DNM3: variants seen among roughly 807,000 people sequenced by gnomAD.
DNM3 encodes dynamin 3, also known as dynamin-3.
DNM3 carries 47 observed loss-of-function variants against 101.6 expected under a neutral mutation model. The observed-to-expected ratio is 0.46, with a 90% confidence interval of 0.37 to 0.59. The LOEUF (loss-of-function observed/expected upper bound fraction) is 0.59, where lower values mean the gene tolerates loss of function less well. Ranked by LOEUF, DNM3 falls within the 20% of genes least tolerant of loss-of-function variation. DNM3 has a pLI of 0.00. For missense variants in DNM3, 849 were observed against 1,085.7 expected (o/e 0.78, Z 3.06); for synonymous variants, 385 against 387.9 (o/e 0.99, Z 0.09).
intron 15 of DNM3, among the ~76,000 whole-genome samples, chr1:172,283,011 G>A (rs1020544495): frequency 6.6e-6 from 1 of 152,172 alleles, no homozygotes; most frequent in African/African-American, 2.4e-5. Context: ...TTCCTTTCCA[G>A]GTTCCAGCCA....
At chr1:171,901,588 A>T (rs546097033) in intron 1 of DNM3, among the ~76,000 whole-genome samples, 8 of 152,300 alleles carry the variant, frequency 5.3e-5, no homozygotes, top group Non-Finnish European at 8.8e-5. Flanking sequence ...CATGTCAGAA[A>T]ATGCCTCCAA....
Position 171,846,346 on chromosome 1 carries a change from T to G in DNM3, c.161+4529T>G, listed in dbSNP as rs1005910811. ...ACTAGACTGGATAGGATATCTCTGT[T>G]TTGGAATTTACTTATGATTAACAGT... On this transcript the variant is annotated intron_variant, in intron 1 of 20. Transcript: ENST00000627582. 5.9e-5 allele frequency among the ~76,000 whole-genome samples: 9 copies of G among 152,306 alleles called. No individual in the cohort carries two copies. In the East Asian group the frequency reaches 1.7e-3, roughly 29 times the overall value.
chr1:172,158,365 AG>A (rs2058421144), intron 14 of DNM3, among the ~76,000 whole-genome samples: 1 of 152,016 alleles, frequency 6.6e-6, no homozygotes, highest in Non-Finnish European at 1.5e-5. Flanking sequence ...TTGGAGGAGA[AG>A]GTAGATCTGG....
intron 17 of DNM3, among the ~76,000 whole-genome samples, chr1:172,358,905 A>AC (rs1266709743): frequency 2.6e-4 from 39 of 149,650 alleles, no homozygotes; most frequent in Admixed American, 2.6e-3. Context: ...GCAAGGAAAA[A>AC]AAAGCCACAG....
chr1:172,406,367 A>G (rs980072057), intron 20 of DNM3, among the ~76,000 whole-genome samples: 1 of 152,068 alleles, frequency 6.6e-6, no homozygotes, highest in African/African-American at 2.4e-5. Context: ...TTCCTATCAA[A>G]GAAGAAAATT....
chr1:172,120,212 G>A (rs2056221181), intron 13 of DNM3, among the ~76,000 whole-genome samples: 2 of 152,170 alleles, frequency 1.3e-5, no homozygotes, highest in Non-Finnish European at 2.9e-5. Context: ...CATGATAGAA[G>A]GCAAATGAGG....
chr1:172,084,803 G>A (rs2053416486), intron 12 of DNM3, among the ~76,000 whole-genome samples: 1 of 152,012 alleles, frequency 6.6e-6, no homozygotes, highest in African/African-American at 2.4e-5. Context: ...TTGCCAAAAG[G>A]GAAGGAACTG....
intron 10 of DNM3, among the ~76,000 whole-genome samples, chr1:172,065,818 A>G (rs2051611767): frequency 6.6e-6 from 1 of 152,218 alleles, no homozygotes; most frequent in Non-Finnish European, 1.5e-5. Context: ...GAAAATGTAG[A>G]TAAATAAAAG....
At chr1:172,239,800 C>CTTT (rs71107343) in intron 14 of DNM3, among the ~76,000 whole-genome samples, 11 of 108,370 alleles carry the variant, frequency 1.0e-4, no homozygotes, top group African/African-American at 2.7e-4. Context: ...TTTTTTTTCT[C>CTTT]TTTTTTTTTT....
At chr1:172,020,617 G>A (rs568212975) in intron 4 of DNM3, among the ~76,000 whole-genome samples, 3 of 151,258 alleles carry the variant, frequency 2.0e-5, no homozygotes, top group East Asian at 1.9e-4. Flanking sequence ...CCAGCTACTC[G>A]GGAGGCTGAG....
chr1:172,081,990 C>T, intron 12 of DNM3, 88 bp downstream of exon 12: 1 of 1,331,028 alleles, frequency 7.5e-7, no homozygotes, highest in Non-Finnish European at 1.1e-6. Flanking sequence ...GTTTCACCAC[C>T]TTTGAGAATA....
At chr1:172,313,960 C>T (rs1176001016) in intron 16 of DNM3, among the ~76,000 whole-genome samples, 2 of 151,176 alleles carry the variant, frequency 1.3e-5, no homozygotes, top group East Asian at 3.9e-4. Flanking sequence ...CCCTACCCCC[C>T]GACAGGCCCC....
At chr1:171,893,742 A>C (rs950945514) in intron 1 of DNM3, among the ~76,000 whole-genome samples, 1 of 152,124 alleles carries the variant, frequency 6.6e-6, no homozygotes, top group Admixed American at 6.5e-5. Context: ...GGCATGAGCC[A>C]CTGTGCCCAG....
intron 4 of DNM3, among the ~76,000 whole-genome samples, chr1:172,019,072 TTTTCTTCC>T (rs981610840): frequency 2.2e-4 from 32 of 147,514 alleles, no homozygotes; most frequent in African/African-American, 7.0e-4. Flanking sequence ...TTCTTTCCTT[TTTTCTTCC>T]TTTCTTCCTT....
intron 14 of DNM3, chr1:172,133,073 G>T (rs1405500291): frequency 1.4e-6 from 2 of 1,448,086 alleles, no homozygotes; most frequent in Non-Finnish European, 1.8e-6. Flanking sequence ...GACTTATGAA[G>T]ATGAATTCCA....
At chr1:172,315,797 A>C (rs2065314208) in intron 16 of DNM3, among the ~76,000 whole-genome samples, 2 of 152,230 alleles carry the variant, frequency 1.3e-5, no homozygotes, top group African/African-American at 4.8e-5. Context: ...GAATGGAACC[A>C]AGTTAGAAAA....
chr1:171,939,402 G>A lies in DNM3; in HGVS notation c.235+17581G>A, dbSNP rs545964952. Among the ~76,000 whole-genome samples, 351 of 152,208 alleles carry A rather than the reference G, an allele frequency of 2.3e-3. 5 individuals carry two copies. The highest frequency in any genetic ancestry group is 1.1e-3 in the Non-Finnish European group (78 of 67,994). On this transcript the variant is annotated intron_variant, in intron 2 of 20. Transcript: ENST00000627582. ...ATTGGTGTTTATTTGTTCTATTTTA[G>A]GTTTATTTGTCTCTTGTCTATTTTT...
chr1:172,073,368 TATTG>T (rs1303389110), intron 11 of DNM3, among the ~76,000 whole-genome samples: 5 of 152,096 alleles, frequency 3.3e-5, no homozygotes, highest in African/African-American at 1.2e-4. Flanking sequence ...TATGTGTACA[TATTG>T]AAACATATAT....
chr1:172,381,762 A>G (rs2068921218), intron 18 of DNM3, among the ~76,000 whole-genome samples: 1 of 152,110 alleles, frequency 6.6e-6, no homozygotes, highest in African/African-American at 2.4e-5. Context: ...ACAACGAGAA[A>G]ACTAGTCTTT....
Sources: allele counts gnomAD v4.1 joint callset (sites outside exome capture counted in the v4.1 genomes callset), GRCh38; gene constraint gnomAD v4.1.1; transcripts MANE v1.5; gene names NCBI Gene and HGNC (gene_info 2026-07-23, HGNC 2026-07-21).